CNTN5: variants seen among roughly 807,000 people sequenced by gnomAD.
The protein encoded by CNTN5 is contactin 5.
A neutral mutation model predicts 129.1 loss-of-function variants in CNTN5; 77 were observed. That is an observed-to-expected ratio of 0.60 (90% CI 0.50 to 0.72). CNTN5 has a LOEUF of 0.72. CNTN5 is among the 30% of genes least tolerant of loss of function. The probability of loss-of-function intolerance (pLI) is 0.00; values close to 1 mark genes in which losing one functional copy is unlikely to be tolerated. For missense variants in CNTN5, 1,478 were observed against 1,328.8 expected (o/e 1.11, Z -1.75); for synonymous variants, 509 against 465.6 (o/e 1.09, Z -1.20).
intron 13 of CNTN5, among the ~76,000 whole-genome samples, chr11:100,170,593 A>G (rs1947792817): frequency 6.6e-6 from 1 of 152,000 alleles, no homozygotes; most frequent in African/African-American, 2.4e-5. Flanking sequence ...GTTGTCAGTA[A>G]GCAGGTTGTT....
At chr11:99,361,425 A>G (rs554719462) in intron 2 of CNTN5, among the ~76,000 whole-genome samples, 64 of 152,292 alleles carry the variant, frequency 4.2e-4, no homozygotes, top group Non-Finnish European at 6.9e-4. Context: ...TTTAATAAAT[A>G]ATTGAACCTG....
intron 2 of CNTN5, among the ~76,000 whole-genome samples, chr11:99,546,329 G>T (rs1466411919): frequency 1.3e-5 from 2 of 152,082 alleles, no homozygotes; most frequent in African/African-American, 2.4e-5. Flanking sequence ...AGGGGAGGGT[G>T]GAACAGGAAT....
At chr11:100,080,474 G>A (rs573357316) in intron 13 of CNTN5, among the ~76,000 whole-genome samples, 3 of 152,238 alleles carry the variant, frequency 2.0e-5, no homozygotes, top group Admixed American at 6.5e-5. Context: ...TTCATGTTGT[G>A]TTTATTAGGC....
chr11:99,329,767 G>A (rs1231897211), intron 2 of CNTN5, among the ~76,000 whole-genome samples: 1 of 152,092 alleles, frequency 6.6e-6, no homozygotes, highest in Non-Finnish European at 1.5e-5. Flanking sequence ...TGTAATATTT[G>A]CTGACTGAAG....
chr11:99,072,947 C>A (rs533997201), intron 1 of CNTN5, among the ~76,000 whole-genome samples: 17 of 152,112 alleles, frequency 1.1e-4, no homozygotes, highest in Non-Finnish European at 2.5e-4. Context: ...ATTAGTTTTG[C>A]CTGTTTTTGA....
intron 2 of CNTN5, among the ~76,000 whole-genome samples, chr11:99,472,198 AT>A (rs1413783514): frequency 6.6e-6 from 1 of 152,114 alleles, no homozygotes; most frequent in African/African-American, 2.4e-5. Flanking sequence ...AAATTTGGAA[AT>A]TAAGTCTGTA....
At chr11:99,775,767 T>C (rs1449868275) in intron 3 of CNTN5, among the ~76,000 whole-genome samples, 1 of 151,274 alleles carries the variant, frequency 6.6e-6, no homozygotes, top group African/African-American at 2.4e-5. Flanking sequence ...TTAATATATT[T>C]TAAGTGAAGT....
At chr11:99,139,832 G>A (rs557449456) in intron 1 of CNTN5, among the ~76,000 whole-genome samples, 1 of 151,968 alleles carries the variant, frequency 6.6e-6, no homozygotes, top group Non-Finnish European at 1.5e-5. Context: ...GTCCTTTACA[G>A]TTTGGACATT....
At chr11:99,143,145 G>A (rs1859605690) in intron 1 of CNTN5, among the ~76,000 whole-genome samples, 1 of 151,618 alleles carries the variant, frequency 6.6e-6, no homozygotes, top group Non-Finnish European at 1.5e-5. Context: ...TATCTTATCC[G>A]ATGACATTAA....
chr11:99,404,288 GT>G (rs71046683), intron 2 of CNTN5, among the ~76,000 whole-genome samples: 146,885 of 148,064 alleles, frequency 0.99, 72,858 homozygotes, highest in Middle Eastern at 1. Context: ...CAGATCAATG[GT>G]TTTTTTTTTT....
intron 1 of CNTN5, among the ~76,000 whole-genome samples, chr11:99,221,199 AT>A (rs1485601323): frequency 2.0e-5 from 3 of 151,936 alleles, no homozygotes; most frequent in Non-Finnish European, 4.4e-5. Flanking sequence ...ATTTTTATTC[AT>A]TTATGAATCA....
rs74590362 is a variant in CNTN5 at position 99,847,349 on chromosome 11, C to T, written c.577+2087C>T. 6.5e-3 allele frequency among the ~76,000 whole-genome samples: 990 copies of T among 152,298 alleles called. 11 individuals are homozygous for T. The highest frequency in any genetic ancestry group is 0.022 in the African/African-American group (932 of 41,550). On this transcript the variant is annotated intron_variant, in intron 6 of 24. Transcript: ENST00000524871. ...GCAGCAGCGTTTACAATTCAATGAC[C>T]AGGCATGGGAAATACTGTTTATCTA...
intron 3 of CNTN5, among the ~76,000 whole-genome samples, chr11:99,726,595 T>C (rs1175874268): frequency 3.3e-5 from 5 of 152,220 alleles, no homozygotes; most frequent in African/African-American, 1.2e-4. Context: ...TTTTATATAT[T>C]ATCTAATTTA....
In CNTN5 at chr11:99,692,121, G is replaced by A. The variant is rs763148899; in HGVS notation, c.56-127423G>A. ...AATTTTCCTCTTTCTCTTTATTTTCGGCCTATGTGTGTCTTTGCATGTGAG... is the reference window on the plus strand; with the variant it reads ...AATTTTCCTCTTTCTCTTTATTTTCAGCCTATGTGTGTCTTTGCATGTGAG... On this transcript the variant is annotated intron_variant, in intron 3 of 24. Coordinates refer to ENST00000524871, the MANE Select transcript of CNTN5 (RefSeq NM_014361.4). 5.9e-5 allele frequency among the ~76,000 whole-genome samples: 9 copies of A among 151,444 alleles called. 1 individual carries two copies. The highest frequency in any genetic ancestry group is 4.2e-4 in the South Asian group (2 of 4,790).
chr11:99,226,693 A>G (rs987472734), intron 1 of CNTN5, among the ~76,000 whole-genome samples: 1 of 149,326 alleles, frequency 6.7e-6, no homozygotes, highest in African/African-American at 2.4e-5. Context: ...TCTCCCTCTA[A>G]ATAATAAGTT....
At chr11:99,059,258 A>AT (rs1306804727) in intron 1 of CNTN5, among the ~76,000 whole-genome samples, 12 of 151,920 alleles carry the variant, frequency 7.9e-5, no homozygotes, top group African/African-American at 2.9e-4. Context: ...TTGCCAATTA[A>AT]TTTTTTCTTA....
intron 1 of CNTN5, among the ~76,000 whole-genome samples, chr11:99,292,420 A>C (rs1378380372): frequency 6.6e-6 from 1 of 152,018 alleles, no homozygotes; most frequent in Admixed American, 6.6e-5. Flanking sequence ...AAGAAAATAG[A>C]GGAAAGGACG....
chr11:100,063,433 C>T (rs1342413735), intron 10 of CNTN5, among the ~76,000 whole-genome samples: 1 of 151,676 alleles, frequency 6.6e-6, no homozygotes, highest in Non-Finnish European at 1.5e-5. Flanking sequence ...GGCTGGCTGG[C>T]TACTTGGCAT....
rs1858755972 is a variant in CNTN5, at chr11:99,128,438, C to T, written c.-210+107168C>T. On this transcript the variant is annotated intron_variant, in intron 1 of 24. Transcript: ENST00000524871. ...TCCCTTCTCACTGGGCAGGGCCTCA[C>T]ACATGAATTCCAGCAATTCCAGCCA... Among the ~76,000 whole-genome samples the T allele has an allele frequency of 2.0e-5, 3 of 151,352 alleles. No individual in the cohort carries two copies. In the Admixed American group the frequency reaches 2.0e-4, roughly 10 times the overall value.
Sources: gnomAD v4.1 joint callset for allele counts (sites outside exome capture counted in the v4.1 genomes callset) on GRCh38, gnomAD v4.1.1 for gene constraint, MANE v1.5 for transcripts, NCBI Gene and HGNC (gene_info 2026-07-23, HGNC 2026-07-21) for gene names.